ZBTB40: variants seen among roughly 807,000 people sequenced by gnomAD.
The protein encoded by ZBTB40 is zinc finger and BTB domain containing 40.
ZBTB40 carries 60 observed loss-of-function variants against 117.5 expected under a neutral mutation model. The observed-to-expected ratio is 0.51, with a 90% CI of 0.41 to 0.63. The LOEUF (loss-of-function observed/expected upper bound fraction) is 0.63, where lower values mean the gene tolerates loss of function less well. Among genes scored for constraint, ZBTB40 ranks in the 30% least tolerant of loss-of-function variants. ZBTB40 has a pLI of 0.00. For missense variants in ZBTB40, 1,287 were observed against 1,498.5 expected, an observed-to-expected ratio of 0.86 and a Z score of 2.33; for synonymous variants, 525 against 577.1, an observed-to-expected ratio of 0.91 and a Z score of 1.29.
At chr1:22,523,941 G>A (rs1639606664) in intron 16 of ZBTB40, among the ~76,000 whole-genome samples, 1 of 152,192 alleles carries the variant, frequency 6.6e-6, no homozygotes, top group African/African-American at 2.4e-5. Flanking sequence ...ATGGGCTTCT[G>A]CAGAGGCAGA....
At chr1:22,483,121 T>C (rs908191231) in intron 1 of ZBTB40, among the ~76,000 whole-genome samples, 5 of 152,134 alleles carry the variant, frequency 3.3e-5, no homozygotes, top group African/African-American at 4.8e-5. Context: ...TTCCTCCCTG[T>C]CTTTTCATGG....
At chr1:22,428,965 C>T (rs1395234212) in exon 1 of ZBTB40, among the ~76,000 whole-genome samples, 1 of 152,204 alleles carries the variant, frequency 6.6e-6, no homozygotes, top group Non-Finnish European at 1.5e-5. Context: ...AAGGTCAGAG[C>T]CATGTGCTGA....
rs373682215 is a variant in ZBTB40 at position 22,517,386 on chromosome 1, A to T, written c.2755A>T (p.Lys919Ter). The change falls in exon 13 of 18, where the codon AAG becomes TAG. Residue 919 changes from lysine to a stop codon, truncating the protein, a stop_gained. Transcript: ENST00000375647. LOFTEE classifies it high-confidence loss of function. ...SRHVRTHTGD[K>*]PYVCRDCGKG... ...CCACGTGAGGACCCACACCGGGGAC[A>T]AGCCCTATGTCTGCAGAGACTGTGG... The T allele has an allele frequency of 1.2e-6, 2 of 1,614,098 alleles. No individual in the cohort carries two copies. Among genetic ancestry groups the T allele is most frequent in the African/African-American group, 2.7e-5 (2 of 74,944 alleles).
intron 15 of ZBTB40, among the ~76,000 whole-genome samples, 200 bp downstream of exon 15, chr1:22,521,858 G>A (rs1270401979): frequency 3.3e-5 from 5 of 152,202 alleles, no homozygotes; most frequent in Non-Finnish European, 7.3e-5. Context: ...ACCTGGAAGC[G>A]TAGCGCAGTG....
chr1:22,478,393 G>C (rs149675352), intron 1 of ZBTB40, among the ~76,000 whole-genome samples: 3,554 of 152,166 alleles, frequency 0.023, 146 homozygotes, highest in African/African-American at 0.079. Flanking sequence ...GACTACAGGC[G>C]CCTGCTACCA....
Position 22,513,031 on chromosome 1 carries a change from C to T in ZBTB40, c.2569C>T (p.Leu857Phe), listed in dbSNP as rs771473312. Residue 857 changes from leucine to phenylalanine, a missense_variant, in exon 12 of 18, where the codon CTT (leucine) becomes TTT (phenylalanine). Physicochemically the swap from Leu to Phe is conservative, Grantham distance 22. Around this residue, in one of 2 missense-constraint regions of ZBTB40, gnomAD observed 417 missense variants for 564.1 expected, o/e 0.74. Transcript: ENST00000375647. The surrounding 1 kb of genome is among the most constrained non-coding windows in gnomAD (Gnocchi z 4.9). Reference protein sequence around the residue: ...ANSTLKNHLRLHTGDRPFMCK... With the variant: ...ANSTLKNHLRFHTGDRPFMCK... ...TTCCACCCTGAAGAACCACCTTCGC[C>T]TTCACACCGGGGACCGCCCGTTCAT... The T allele has an allele frequency of 6.2e-7, 1 of 1,614,176 alleles. No individual in the cohort carries two copies. The highest frequency in any genetic ancestry group is 8.5e-7 in the Non-Finnish European group (1 of 1,180,038).
intron 1 of ZBTB40, among the ~76,000 whole-genome samples, chr1:22,470,738 C>G (rs758327056): frequency 6.6e-6 from 1 of 152,140 alleles, no homozygotes; most frequent in African/African-American, 2.4e-5. Context: ...GTCTAGGAAC[C>G]CCGTAATAGA....
chr1:22,510,257 T>G (rs1423215693), intron 9 of ZBTB40, among the ~76,000 whole-genome samples: 1 of 152,188 alleles, frequency 6.6e-6, no homozygotes, highest in Admixed American at 6.5e-5. Flanking sequence ...GAAGGGCGGG[T>G]TTCTAACTCT....
At chr1:22,461,860 C>T (rs1034705912) in intron 1 of ZBTB40, among the ~76,000 whole-genome samples, 28 of 152,202 alleles carry the variant, frequency 1.8e-4, no homozygotes, top group African/African-American at 5.1e-4. Flanking sequence ...TAAGGTCATT[C>T]GGCTGAGCTC....
intron 13 of ZBTB40, among the ~76,000 whole-genome samples, chr1:22,518,614 G>T (rs1264516090): frequency 6.6e-6 from 1 of 152,144 alleles, no homozygotes; most frequent in African/African-American, 2.4e-5. Flanking sequence ...TGCGCTTTAT[G>T]TAAACACATC....
intron 1 of ZBTB40, among the ~76,000 whole-genome samples, chr1:22,465,648 T>C (rs1360468636): frequency 6.6e-6 from 1 of 152,176 alleles, no homozygotes; most frequent in Non-Finnish European, 1.5e-5. Context: ...GAGTGGGTGC[T>C]GATAGCAGGG....
intron 6 of ZBTB40, 49 bp from the exon 7 acceptor site, chr1:22,507,952 A>G (rs768651014): frequency 1.2e-6 from 2 of 1,613,788 alleles, no homozygotes; most frequent in East Asian, 2.2e-5. Context: ...AGTCTTCTGT[A>G]GGAGGTTTTG....
intron 1 of ZBTB40, among the ~76,000 whole-genome samples, chr1:22,481,101 G>T (rs1335585001): frequency 1.3e-5 from 2 of 151,774 alleles, no homozygotes; most frequent in Non-Finnish European, 2.9e-5. Flanking sequence ...CTTTGATTTT[G>T]ATGTTTCTTT....
rs1437035290 is a variant in ZBTB40 at position 22,528,962 on chromosome 1, A to C, written c.*2566A>C. On this transcript the variant is annotated 3_prime_UTR_variant, in exon 18 of 18. Coordinates refer to ENST00000375647, the MANE Select transcript of ZBTB40 (RefSeq NM_014870.4). ...CATCAGATGCCCTCTGGCCCATGGC[A>C]CACTCAGCAGAAGGCACAAACCCAG... 6.6e-6 allele frequency: 1 copy of C among 152,330 alleles called. No homozygotes were observed. The highest frequency in any genetic ancestry group is 1.9e-4 in the East Asian group (1 of 5,326). 9.4% of individuals were successfully genotyped at this position (152,330 alleles called of 1,614,324 possible). A position where few individuals can be genotyped will look rare whatever the true frequency, so the allele number is the denominator to read the frequency against.
chr1:22,490,356 A>G lies in ZBTB40; in HGVS notation c.408A>G (p.Thr136=). Residue 136 remains threonine (T), a synonymous_variant, in exon 2 of 18, where the codon ACA becomes ACG. Transcript: ENST00000375647. ...VRDVSAPSSE[T]FRKEPEKPQV... Reference sequence around the variant, plus strand: ...ATGTCTCTGCGCCATCCTCAGAGACATTCAGAAAGGAACCAGAGAAGCCTC... The same window carrying G: ...ATGTCTCTGCGCCATCCTCAGAGACGTTCAGAAAGGAACCAGAGAAGCCTC... 1 of 1,614,186 alleles carries G rather than the reference A, an allele frequency of 6.2e-7. No individual in the cohort carries two copies. Among genetic ancestry groups the G allele is most frequent in the South Asian group, 1.1e-5 (1 of 91,080 alleles).
At chr1:22,463,582 T>G (rs1241749748) in intron 1 of ZBTB40, among the ~76,000 whole-genome samples, 1 of 152,212 alleles carries the variant, frequency 6.6e-6, no homozygotes, top group East Asian at 1.9e-4. Flanking sequence ...TTAAGTATAA[T>G]GTGGTCACAA....
chr1:22,511,774 GAA>G lies in ZBTB40; in HGVS notation c.2102_2103del (p.Glu701GlyfsTer9). The stretch of plus-strand genomic sequence containing the variant: ...CAAAGAAGATGAAAAGGCAGCCAAA[GAA>G]GACAGCCAGCCTGGGGAACAGAATG... Reference protein sequence around the residue: ...NNKEDEKAAKEDSQPGEQNDQ... With the variant: ...NNKEDEKAAKXDSQPGEQNDQ... On this transcript the variant is annotated frameshift_variant, in exon 11 of 18. Coordinates refer to ENST00000375647, the MANE Select transcript of ZBTB40 (RefSeq NM_014870.4). LOFTEE classifies it high-confidence loss of function. The G allele has an allele frequency of 6.2e-7, 1 of 1,610,380 alleles. No individual in the cohort carries two copies. Among genetic ancestry groups the G allele is most frequent in the Non-Finnish European group, 8.5e-7 (1 of 1,178,872 alleles).
Position 22,508,668 on chromosome 1 carries a change from C to T in ZBTB40, c.1636C>T (p.Pro546Ser), listed in dbSNP as rs765711448. The T allele has an allele frequency of 4.3e-6, 7 of 1,614,192 alleles. No individual in the cohort carries two copies. The highest frequency in any genetic ancestry group is 2.2e-5 in the East Asian group (1 of 44,874). The change falls in exon 8 of 18, where the codon CCA becomes TCA. Residue 546 changes from proline to serine, a missense_variant. This residue lies in a region of ZBTB40 where 870 missense variants were observed against 934.4 expected (regional missense o/e 0.93). Coordinates refer to ENST00000375647, the MANE Select transcript of ZBTB40 (RefSeq NM_014870.4). ...LLVVQETKTC[P>S]LDLLMEEIRR... The stretch of plus-strand genomic sequence containing the variant: ...GGTGGTTCAGGAGACAAAGACCTGT[C>T]CATTGGACCTGCTCATGGAGGAAAT...
At chr1:22,480,241 A>G (rs1638253215) in intron 1 of ZBTB40, among the ~76,000 whole-genome samples, 1 of 151,764 alleles carries the variant, frequency 6.6e-6, no homozygotes, top group Non-Finnish European at 1.5e-5. Flanking sequence ...TCAATTCCTT[A>G]TTGCCTTTAA....
Sources: gnomAD v4.1 joint callset for allele counts (sites outside exome capture counted in the v4.1 genomes callset) on GRCh38, gnomAD v4.1.1 for gene constraint, gnomAD v4.1.1 regional missense constraint, Gnocchi (gnomAD v3.1) non-coding constraint, MANE v1.5 for transcripts, NCBI Gene and HGNC (gene_info 2026-07-23, HGNC 2026-07-21) for gene names.